The following CDH18 variants were observed in gnomAD, a reference collection of about 807,000 sequenced individuals.
CDH18 encodes the protein cadherin-18.
In CDH18, 31 loss-of-function variants were observed where a neutral mutation model predicts 67.9. The observed-to-expected ratio is 0.46, with a 90% CI of 0.34 to 0.62. The LOEUF is 0.62. Ranked by LOEUF, CDH18 falls within the 20% of genes least tolerant of loss-of-function variation. The probability of loss-of-function intolerance (pLI) is 0.01; values close to 1 mark genes in which losing one functional copy is unlikely to be tolerated. For missense variants in CDH18, 890 were observed against 975.5 expected (o/e 0.91, Z 1.17); for synonymous variants, 362 against 347.2 (o/e 1.04, Z -0.48).
chr5:19,801,036 T>C (rs1777408583), intron 3 of CDH18, among the ~76,000 whole-genome samples: 1 of 151,948 alleles, frequency 6.6e-6, no homozygotes, highest in Admixed American at 6.6e-5. Context: ...GAGAATTGCC[T>C]CACTGCTTGA....
intron 1 of CDH18, among the ~76,000 whole-genome samples, chr5:20,477,633 G>A (rs774101253): frequency 5.5e-4 from 84 of 152,334 alleles, no homozygotes; most frequent in South Asian, 2.1e-3. Context: ...ATGGGAACCT[G>A]AGTTCCAGCT....
chr5:19,612,669 T>C (rs927420127), intron 5 of CDH18, 68 bp from the exon 6 acceptor site: 7 of 1,140,574 alleles, frequency 6.1e-6, no homozygotes, highest in Admixed American at 2.1e-5. Flanking sequence ...AACATACACA[T>C]ACATATTTTA....
chr5:19,935,706 CT>C (rs529439532), intron 2 of CDH18, among the ~76,000 whole-genome samples: 2,218 of 132,934 alleles, frequency 0.017, 29 homozygotes, highest in African/African-American at 0.043. Flanking sequence ...TATTTAAAAA[CT>C]TTTTTTTTTT....
chr5:19,834,308 T>C (rs1389952857), intron 3 of CDH18, among the ~76,000 whole-genome samples: 1 of 152,114 alleles, frequency 6.6e-6, no homozygotes, highest in East Asian at 1.9e-4. Context: ...CTAGTTTACT[T>C]GCATGGAGGT....
At chr5:19,881,042 A>G (rs1787584302) in intron 2 of CDH18, among the ~76,000 whole-genome samples, 1 of 152,154 alleles carries the variant, frequency 6.6e-6, no homozygotes. Context: ...CCTGCTCTCC[A>G]GGGAAGTGTT....
intron 3 of CDH18, among the ~76,000 whole-genome samples, chr5:19,828,243 C>G (rs1485331778): frequency 6.6e-6 from 1 of 151,826 alleles, no homozygotes; most frequent in East Asian, 1.9e-4. Context: ...GTCTTACCAA[C>G]CAGAAAAACT....
At chr5:19,869,799 T>C (rs1170746677) in intron 2 of CDH18, among the ~76,000 whole-genome samples, 2 of 152,116 alleles carry the variant, frequency 1.3e-5, no homozygotes, top group African/African-American at 4.8e-5. Context: ...CAATTCACAT[T>C]TCTAGATAAT....
At chr5:20,260,601 C>T (rs1744576918) in intron 1 of CDH18, among the ~76,000 whole-genome samples, 3 of 152,028 alleles carry the variant, frequency 2.0e-5, no homozygotes, top group African/African-American at 7.3e-5. Context: ...GGTAGATTCC[C>T]ACCTCCTATT....
At chr5:20,558,250 A>C (rs1370096091) in intron 1 of CDH18, among the ~76,000 whole-genome samples, 1 of 152,100 alleles carries the variant, frequency 6.6e-6, no homozygotes, top group East Asian at 1.9e-4. Context: ...AAAGAGGTAA[A>C]AATAACAATA....
At chr5:20,063,370 T>C (rs1742675560) in intron 2 of CDH18, among the ~76,000 whole-genome samples, 2 of 152,120 alleles carry the variant, frequency 1.3e-5, no homozygotes. Context: ...TTATAAACTC[T>C]GCATTTCAAG....
chr5:19,969,643 A>C (rs1393807975), intron 2 of CDH18, among the ~76,000 whole-genome samples: 1 of 147,804 alleles, frequency 6.8e-6, no homozygotes, highest in Non-Finnish European at 1.5e-5. Flanking sequence ...GAATTGAACA[A>C]TGAGAACACA....
At chr5:19,920,786 A>C (rs1310574704) in intron 2 of CDH18, among the ~76,000 whole-genome samples, 1 of 151,892 alleles carries the variant, frequency 6.6e-6, no homozygotes, top group African/African-American at 2.4e-5. Context: ...TGCTGGGATT[A>C]CAGGCGTAAG....
chr5:19,505,713 G>A (rs1016791271), intron 10 of CDH18, among the ~76,000 whole-genome samples: 5 of 152,082 alleles, frequency 3.3e-5, no homozygotes, highest in South Asian at 2.1e-4. Flanking sequence ...TGCTGGATTC[G>A]GTTTGCCAGT....
chr5:20,499,652 T>C (rs1754127886), intron 1 of CDH18, among the ~76,000 whole-genome samples: 1 of 152,268 alleles, frequency 6.6e-6, no homozygotes, highest in South Asian at 2.1e-4. Flanking sequence ...TGTTCTTAAT[T>C]GCAGTAAATT....
At chr5:20,137,324 C>T (rs551890870) in intron 2 of CDH18, among the ~76,000 whole-genome samples, 1 of 152,200 alleles carries the variant, frequency 6.6e-6, no homozygotes, top group African/African-American at 2.4e-5. Flanking sequence ...CACTTCATTT[C>T]ATTCATTTGA....
At chr5:19,553,425 AT>A (rs1341928579) in intron 8 of CDH18, among the ~76,000 whole-genome samples, 1 of 151,596 alleles carries the variant, frequency 6.6e-6, no homozygotes, top group Non-Finnish European at 1.5e-5. Flanking sequence ...AATTAAAAAA[AT>A]AAATAAATAA....
intron 1 of CDH18, among the ~76,000 whole-genome samples, chr5:20,469,563 C>T (rs1410890490): frequency 1.3e-5 from 2 of 152,116 alleles, no homozygotes; most frequent in Admixed American, 1.3e-4. Flanking sequence ...CCCCGATCTT[C>T]CTTGAGGATA....
intron 1 of CDH18, among the ~76,000 whole-genome samples, chr5:20,430,536 C>G (rs1748656906): frequency 6.6e-6 from 1 of 152,226 alleles, no homozygotes; most frequent in African/African-American, 2.4e-5. Flanking sequence ...ATCTATATAC[C>G]TTGGACTCAG....
intron 1 of CDH18, among the ~76,000 whole-genome samples, chr5:20,422,780 T>A (rs372129286): frequency 3.3e-5 from 5 of 151,232 alleles, no homozygotes; most frequent in African/African-American, 1.2e-4. Flanking sequence ...AAGGTAACTT[T>A]AAGTGTTTAT....
Sources: allele counts gnomAD v4.1 joint callset (sites outside exome capture counted in the v4.1 genomes callset), GRCh38; gene constraint gnomAD v4.1.1; transcripts MANE v1.5; gene names NCBI Gene and HGNC (gene_info 2026-07-23, HGNC 2026-07-21).